Variants in SCN10A observed in about 807,000 individuals in gnomAD.
SCN10A encodes sodium channel protein type 10 subunit alpha.
In SCN10A, 162 loss-of-function variants were observed where a neutral mutation model predicts 170.7. The ratio of observed to expected loss-of-function variants is 0.95; its 90% confidence interval spans 0.84 to 1.08. The LOEUF is 1.08. SCN10A is among the 50% of genes least tolerant of loss of function. The pLI, the probability that SCN10A is intolerant of heterozygous loss-of-function variation, is 0.00. For missense variants in SCN10A, 2,527 were observed against 2,436.9 expected, an observed-to-expected ratio of 1.04 and a Z score of -0.78; for synonymous variants, 985 against 904.6, an observed-to-expected ratio of 1.09 and a Z score of -1.59.
intron 1 of SCN10A, among the ~76,000 whole-genome samples, chr3:38,804,625 C>A (rs917786575): frequency 2.0e-5 from 3 of 152,032 alleles, no homozygotes; most frequent in South Asian, 2.1e-4. Context: ...CACCTGACAC[C>A]GAAATTGAGT....
chr3:38,725,341 G>T, intron 17 of SCN10A, 27 bp from the exon 18 acceptor site: 1 of 1,546,856 alleles, frequency 6.5e-7, no homozygotes, highest in Non-Finnish European at 8.8e-7. Flanking sequence ...CCAACTGGGT[G>T]CCTGGCCCCA....
intron 4 of SCN10A, among the ~76,000 whole-genome samples, chr3:38,788,096 A>G (rs2064230529): frequency 6.6e-6 from 1 of 152,054 alleles, no homozygotes; most frequent in African/African-American, 2.4e-5. Context: ...ATAAATGGAA[A>G]TTAAACTTTA....
At chr3:38,729,474 C>T (rs570040996) in intron 15 of SCN10A, among the ~76,000 whole-genome samples, 14 of 152,236 alleles carry the variant, frequency 9.2e-5, no homozygotes, top group Non-Finnish European at 2.9e-5. Context: ...AATTGACCAA[C>T]GAACCTACCC....
In SCN10A at chr3:38,742,407, C is replaced by G; in HGVS notation, c.1990G>C (p.Asp664His). ...GTGATGGTGAGCTCTGCAAAGGGAT[C>G]CGTCACAAGCCCAAAGAGAATTGTC... is the stretch of plus-strand genomic sequence containing the variant. ...LKTILFGLVT[D>H]PFAELTITLC... The change falls in exon 14 of 28, where the codon GAT becomes CAT. Residue 664 changes from aspartate (D) to histidine (H), a missense_variant. Transcript: ENST00000449082. 1 of 1,614,152 alleles carries G rather than the reference C, an allele frequency of 6.2e-7. No individual in the cohort carries two copies.
intron 1 of SCN10A, among the ~76,000 whole-genome samples, chr3:38,807,849 C>T (rs952731678): frequency 6.6e-6 from 1 of 152,126 alleles, no homozygotes; most frequent in Non-Finnish European, 1.5e-5. Context: ...CTCTCCCCAC[C>T]TCTTCACATG....
chr3:38,801,684 AG>A (rs1213654161), intron 1 of SCN10A, among the ~76,000 whole-genome samples: 1 of 151,998 alleles, frequency 6.6e-6, no homozygotes, highest in Non-Finnish European at 1.5e-5. Flanking sequence ...AACCCAATAG[AG>A]GTCTTTCCCT....
At chr3:38,719,986 G>A (rs534170958) in intron 20 of SCN10A, among the ~76,000 whole-genome samples, 7 of 152,220 alleles carry the variant, frequency 4.6e-5, no homozygotes, top group Non-Finnish European at 1.0e-4. Flanking sequence ...TATCCTCCCC[G>A]CTGGGGCAGC....
intron 22 of SCN10A, 79 bp downstream of exon 22, chr3:38,713,879 C>G (rs189885172): frequency 6.4e-7 from 1 of 1,565,934 alleles, no homozygotes; most frequent in Non-Finnish European, 8.7e-7. Context: ...CCGCCCGCCT[C>G]AGCCTCCCAA....
intron 11 of SCN10A, 57 bp from the exon 12 acceptor site, chr3:38,752,569 G>C: frequency 2.8e-6 from 4 of 1,419,890 alleles, no homozygotes; most frequent in Non-Finnish European, 3.8e-6. Context: ...GGGAAATCTA[G>C]AGCCCAACAC....
chr3:38,797,012 C>T (rs1257122612), intron 1 of SCN10A, among the ~76,000 whole-genome samples: 3 of 151,874 alleles, frequency 2.0e-5, no homozygotes, highest in African/African-American at 4.8e-5. Flanking sequence ...AACTAAAGAA[C>T]ATTTTGTTCA....
intron 1 of SCN10A, among the ~76,000 whole-genome samples, chr3:38,802,121 C>T (rs867529292): frequency 1.3e-5 from 2 of 152,104 alleles, no homozygotes; most frequent in South Asian, 2.1e-4. Flanking sequence ...AATCTTCCTC[C>T]CTTGTGCCAG....
At chr3:38,720,656 G>A (rs766753318) in intron 20 of SCN10A, among the ~76,000 whole-genome samples, 13 of 152,090 alleles carry the variant, frequency 8.5e-5, no homozygotes, top group Admixed American at 2.6e-4. Context: ...GGGCTGGGCT[G>A]GCGCAGTGCT....
At chr3:38,758,042 T>C (rs956189536) in intron 8 of SCN10A, among the ~76,000 whole-genome samples, 3 of 152,220 alleles carry the variant, frequency 2.0e-5, no homozygotes, top group African/African-American at 7.2e-5. Context: ...CTTTTTCTCC[T>C]GTTTTATTTA....
rs970241631 is a variant in SCN10A at position 38,696,952 on chromosome 3, G to A, written c.*397C>T. 2 of 218,058 alleles carry A rather than the reference G, an allele frequency of 9.2e-6. No individual in the cohort carries two copies. Among genetic ancestry groups the A allele is most frequent in the South Asian group, 1.9e-4 (2 of 10,596 alleles). The allele number at this position is 218,058 out of a possible 1,614,324, so 13.5% of individuals were successfully genotyped here. On this transcript the variant is annotated 3_prime_UTR_variant, in exon 28 of 28. Transcript: ENST00000449082. ...TAAATAATATTGCCAATCTCTGTAT[G>A]GTGCTCCACAGAGGACTACCTTGGA...
In SCN10A at chr3:38,698,167, T is replaced by C; in HGVS notation, c.5053A>G (p.Ser1685Gly). 1 of 1,614,128 alleles carries C rather than the reference T, an allele frequency of 6.2e-7. No individual in the cohort carries two copies. Among genetic ancestry groups the C allele is most frequent in the Non-Finnish European group, 8.5e-7 (1 of 1,180,028 alleles). ...CCACAGTCCCCTCTGGTGCCATTGC[T>C]GTTGGGCAGATTGGGGTCACAGTAG... is the stretch of plus-strand genomic sequence containing the variant. ...PPYCDPNLPNSNGTRGDCGSP... is the reference protein window; with the variant it reads ...PPYCDPNLPNGNGTRGDCGSP... Residue 1685 changes from serine (S) to glycine (G), a missense_variant, in exon 28 of 28, where the codon AGC (serine) becomes GGC (glycine). By Grantham distance (56) the Ser-to-Gly change is moderately conservative. Coordinates refer to ENST00000449082, the MANE Select transcript of SCN10A (RefSeq NM_006514.4).
chr3:38,750,200 CAG>C lies in SCN10A; in HGVS notation c.1756-18_1756-17del. 2 of 1,514,790 alleles carry C rather than the reference CAG, an allele frequency of 1.3e-6. No individual in the cohort carries two copies. Among genetic ancestry groups the C allele is most frequent in the Non-Finnish European group, 1.8e-6 (2 of 1,091,186 alleles). The allele number at this position is 1,514,790 out of a possible 1,614,324, so 93.8% of individuals were successfully genotyped here. A position where few individuals can be genotyped will look rare whatever the true frequency, so the allele number is the denominator to read the frequency against. On this transcript the variant is annotated splice_polypyrimidine_tract_variant and intron_variant, in intron 12 of 27. Coordinates refer to ENST00000449082, the MANE Select transcript of SCN10A (RefSeq NM_006514.4). Reference sequence around the variant, plus strand: ...CATCGAATGCCTGTTGAGACACAAACAGAGTCAGGACGCTCCTTTAACCTGAC... The same window carrying C: ...CATCGAATGCCTGTTGAGACACAAACAGTCAGGACGCTCCTTTAACCTGAC...
chr3:38,755,667 A>T lies in SCN10A; in HGVS notation c.1461+121T>A, dbSNP rs1331170803. 7 of 1,149,838 alleles carry T rather than the reference A, an allele frequency of 6.1e-6. No individual in the cohort carries two copies. In the East Asian group the frequency reaches 1.7e-4, roughly 27 times the overall value. 71.2% of individuals were successfully genotyped at this position (1,149,838 alleles called of 1,614,324 possible). A position where few individuals can be genotyped will look rare whatever the true frequency, so the allele number is the denominator to read the frequency against. On this transcript the variant is annotated intron_variant, in intron 11 of 27. Coordinates refer to ENST00000449082, the MANE Select transcript of SCN10A (RefSeq NM_006514.4). ...GACACCATTTTGGAGGGGTGTCTGG[A>T]TCCTTTTAGGCTCTATGCCTCCAGC...
At position 38,732,146 on chromosome 3, in the gene SCN10A, C is replaced by T. The variant is rs78972291; in HGVS notation, c.2281-3245G>A. 9.5e-3 allele frequency among the ~76,000 whole-genome samples: 1,441 copies of T among 152,318 alleles called. 23 individuals carry two copies. Among genetic ancestry groups the T allele is most frequent in the African/African-American group, 0.033 (1,378 of 41,570 alleles). ...AATGTCTTGTGAGATGTGGAAGAGA[C>T]TGGTCATATAGTCTCCATTCACTTT... On this transcript the variant is annotated intron_variant, in intron 15 of 27. Transcript: ENST00000449082.
intron 25 of SCN10A, 40 bp from the exon 26 acceptor site, chr3:38,707,423 C>T: frequency 2.5e-6 from 4 of 1,603,034 alleles, no homozygotes; most frequent in Non-Finnish European, 3.4e-6. Flanking sequence ...CAAGAGGAAC[C>T]CCCTACGGAT....
Sources: allele counts gnomAD v4.1 joint callset (sites outside exome capture counted in the v4.1 genomes callset), GRCh38; gene constraint gnomAD v4.1.1; transcripts MANE v1.5; gene names NCBI Gene and HGNC (gene_info 2026-07-23, HGNC 2026-07-21).